PLCB4: variants seen among roughly 807,000 people sequenced by gnomAD.
PLCB4 encodes 1-phosphatidylinositol 4,5-bisphosphate phosphodiesterase beta-4.
A neutral mutation model predicts 178.8 loss-of-function variants in PLCB4; 77 were observed. The observed-to-expected ratio is 0.43, with a 90% CI of 0.36 to 0.52. The LOEUF is 0.52. Among genes scored for constraint, PLCB4 ranks in the 20% least tolerant of loss-of-function variants. The pLI is 0.00. For missense variants in PLCB4, 1,024 were observed against 1,453.4 expected (o/e 0.70, Z 4.80); for synonymous variants, 496 against 490.8 (o/e 1.01, Z -0.14).
intron 13 of PLCB4, among the ~76,000 whole-genome samples, chr20:9,383,672 C>T (rs900066631): frequency 1.3e-5 from 2 of 152,190 alleles, no homozygotes; most frequent in Admixed American, 1.3e-4. Context: ...TGTTTAAACT[C>T]AGAAGCACCA....
At chr20:9,172,614 C>T (rs540484160) in intron 2 of PLCB4, among the ~76,000 whole-genome samples, 1 of 145,332 alleles carries the variant, frequency 6.9e-6, no homozygotes, top group African/African-American at 2.6e-5. Context: ...TTTTGCATTT[C>T]CATTCGCATT....
At chr20:9,343,924 C>T (rs116255845) in intron 7 of PLCB4, among the ~76,000 whole-genome samples, 7,609 of 152,308 alleles carry the variant, frequency 0.05, 643 homozygotes, top group African/African-American at 0.17. Context: ...AACGTCATCA[C>T]GACACAGTGG....
intron 2 of PLCB4, among the ~76,000 whole-genome samples, chr20:9,152,707 A>G (rs1013359715): frequency 6.6e-6 from 1 of 152,054 alleles, no homozygotes; most frequent in African/African-American, 2.4e-5. Context: ...TCACACAGAT[A>G]CCCTACTGGG....
At chr20:9,076,292 C>T (rs2089862281) in intron 1 of PLCB4, among the ~76,000 whole-genome samples, 1 of 152,024 alleles carries the variant, frequency 6.6e-6, no homozygotes, top group African/African-American at 2.4e-5. Context: ...CATGGCAAAA[C>T]CCCATCTCTA....
chr20:9,296,868 G>A (rs1179871528), intron 3 of PLCB4, among the ~76,000 whole-genome samples: 2 of 152,108 alleles, frequency 1.3e-5, no homozygotes, highest in South Asian at 2.1e-4. Context: ...TGGGGTTGGG[G>A]GAGGGGGAAG....
At chr20:9,133,282 T>C (rs2092313870) in intron 2 of PLCB4, among the ~76,000 whole-genome samples, 1 of 152,146 alleles carries the variant, frequency 6.6e-6, no homozygotes, top group East Asian at 1.9e-4. Context: ...TTTTTGTTGT[T>C]GTTGAGATGG....
intron 28 of PLCB4, among the ~76,000 whole-genome samples, chr20:9,430,389 G>A (rs1008917362): frequency 6.6e-6 from 1 of 152,042 alleles, no homozygotes; most frequent in East Asian, 1.9e-4. Flanking sequence ...TATTTTTGTT[G>A]CATTTTGTTC....
rs1568699904 is a variant in PLCB4, at chr20:9,074,827, A to ATTT, written c.-135+5621_-135+5622insTTT. Among the ~76,000 whole-genome samples the ATTT allele has an allele frequency of 3.3e-4, 12 of 36,852 alleles. No individual in the cohort carries two copies. The South Asian group carries it at 9.9e-3, about 30-fold the overall frequency. The allele number at this position is 36,852 out of a possible 152,430, so 24.2% of individuals were successfully genotyped here. On this transcript the variant is annotated intron_variant, in intron 1 of 39. Transcript: ENST00000378473. ...TTTTTTAAACAAAACAAAACAAAAC[A>ATTT]AAACAAAACAAAACAAAACAAAACA...
At chr20:9,333,880 G>T (rs2032060740) in intron 4 of PLCB4, among the ~76,000 whole-genome samples, 2 of 152,262 alleles carry the variant, frequency 1.3e-5, no homozygotes, top group African/African-American at 4.8e-5. Flanking sequence ...GACATTTATG[G>T]AACTAAGGAA....
chr20:9,344,502 A>G (rs969993699), intron 7 of PLCB4, among the ~76,000 whole-genome samples: 3 of 152,340 alleles, frequency 2.0e-5, no homozygotes, highest in African/African-American at 7.2e-5. Context: ...TGAGTGCTCA[A>G]TAAAAACCTA....
At chr20:9,241,170 C>T (rs2094056251) in intron 3 of PLCB4, among the ~76,000 whole-genome samples, 1 of 152,112 alleles carries the variant, frequency 6.6e-6, no homozygotes, top group African/African-American at 2.4e-5. Flanking sequence ...GAAATGCTTA[C>T]TTGAATGAAG....
chr20:9,253,108 C>A (rs140731975), intron 3 of PLCB4, among the ~76,000 whole-genome samples: 69 of 152,278 alleles, frequency 4.5e-4, no homozygotes, highest in Non-Finnish European at 7.5e-4. Flanking sequence ...AACCACTAGC[C>A]TAGACTAATC....
At chr20:9,163,745 A>G (rs1471376167) in intron 2 of PLCB4, among the ~76,000 whole-genome samples, 1 of 152,054 alleles carries the variant, frequency 6.6e-6, no homozygotes, top group East Asian at 1.9e-4. Context: ...CATGCTATTT[A>G]TTATTTTTTA....
intron 3 of PLCB4, among the ~76,000 whole-genome samples, chr20:9,234,234 T>G (rs2093967459): frequency 6.6e-6 from 1 of 152,138 alleles, no homozygotes; most frequent in Non-Finnish European, 1.5e-5. Context: ...AATGTTCTGC[T>G]TTAAACTTTA....
chr20:9,092,176 G>A (rs2090713168), intron 1 of PLCB4, among the ~76,000 whole-genome samples: 1 of 152,110 alleles, frequency 6.6e-6, no homozygotes, highest in Non-Finnish European at 1.5e-5. Flanking sequence ...TTTTCTTTGT[G>A]AGACAGGTTA....
At chr20:9,076,479 A>T (rs2089873241) in intron 1 of PLCB4, among the ~76,000 whole-genome samples, 1 of 152,122 alleles carries the variant, frequency 6.6e-6, no homozygotes, top group Non-Finnish European at 1.5e-5. Context: ...AAAATAAATA[A>T]ATAAATAAAA....
chr20:9,437,167 T>C lies in PLCB4; in HGVS notation c.2764+15T>C, dbSNP rs758161258. 2.4e-5 allele frequency: 39 copies of C among 1,611,070 alleles called. No individual in the cohort carries two copies. The South Asian group carries it at 3.0e-4, about 12-fold the overall frequency. On this transcript the variant is annotated intron_variant, in intron 30 of 39. Transcript: ENST00000378473. ...AGCCAAGAAAGGTGAGAGAGAGCCG[T>C]TGGGTTCCTTATCTTCTGCACCCAC...
At chr20:9,210,498 G>A (rs947035021) in intron 2 of PLCB4, among the ~76,000 whole-genome samples, 1 of 152,126 alleles carries the variant, frequency 6.6e-6, no homozygotes, top group Non-Finnish European at 1.5e-5. Context: ...AGTTGGCTGG[G>A]TGGAAGTGCT....
intron 3 of PLCB4, among the ~76,000 whole-genome samples, chr20:9,245,725 A>C (rs1313091935): frequency 2.1e-5 from 3 of 140,556 alleles, no homozygotes; most frequent in African/African-American, 8.3e-5. Flanking sequence ...AGAGGCAATA[A>C]ATATCTGGTG....
Sources: gnomAD v4.1 joint callset for allele counts (sites outside exome capture counted in the v4.1 genomes callset) on GRCh38, gnomAD v4.1.1 for gene constraint, MANE v1.5 for transcripts, NCBI Gene and HGNC (gene_info 2026-07-23, HGNC 2026-07-21) for gene names.